GSE1: variants seen among roughly 807,000 people sequenced by gnomAD.
The protein encoded by GSE1 is Gse1 coiled-coil protein.
Under a neutral mutation model 112.6 loss-of-function variants are expected in GSE1, and 32 were observed. That is an observed-to-expected ratio of 0.28 (90% CI 0.21 to 0.38). The LOEUF (loss-of-function observed/expected upper bound fraction) is 0.38. Ranked by LOEUF, GSE1 falls within the 10% of genes least tolerant of loss-of-function variation. The probability of loss-of-function intolerance (pLI) is 1.00; values close to 1 mark genes in which losing one functional copy is unlikely to be tolerated. For missense variants in GSE1, 2,348 were observed against 1,699.2 expected (o/e 1.38, Z -6.71); for synonymous variants, 1,115 against 735.6 (o/e 1.52, Z -8.35).
intron 2 of GSE1, among the ~76,000 whole-genome samples, chr16:85,393,787 T>C (rs1273176306): frequency 6.6e-6 from 1 of 152,112 alleles, no homozygotes; most frequent in African/African-American, 2.4e-5. Flanking sequence ...CTCTATCTAT[T>C]CCCCCACTGC....
chr16:85,408,585 C>G (rs1183584709), intron 2 of GSE1, among the ~76,000 whole-genome samples: 1 of 18,348 alleles, frequency 5.5e-5, no homozygotes, highest in East Asian at 3.1e-3. Context: ...ACACTCAGGC[C>G]CCCCTGGAAA....
chr16:85,613,446 C>A lies in GSE1; in HGVS notation c.7+48C>A, dbSNP rs555346742. 1.5e-4 allele frequency: 229 copies of A among 1,496,878 alleles called. No homozygotes were observed. The African/African-American group carries it at 3.1e-3, about 20-fold the overall frequency. The allele number at this position is 1,496,878 out of a possible 1,614,324, so 92.7% of individuals were successfully genotyped here. ...GGGACGGGGTCCTCCCCCCTCCCCC[C>A]ACCGCACTGTCCTCCTGCAAGTTCG... On this transcript the variant is annotated intron_variant, in intron 1 of 15. Coordinates refer to ENST00000253458, the MANE Select transcript of GSE1 (RefSeq NM_014615.5).
intron 2 of GSE1, among the ~76,000 whole-genome samples, chr16:85,360,059 AT>A (rs1250234427): frequency 6.6e-6 from 1 of 152,128 alleles, no homozygotes; most frequent in African/African-American, 2.4e-5. Context: ...AATTAAAAAA[AT>A]GTTTTAAAAC....
rs1398442864 is a variant in GSE1, at chr16:85,407,866, C to G, written c.2464+50223C>G. 7.7e-5 allele frequency among the ~76,000 whole-genome samples: 2 copies of G among 26,132 alleles called. 1 individual carries two copies. Among genetic ancestry groups the G allele is most frequent in the African/African-American group, 4.8e-4 (2 of 4,154 alleles). 17.1% of individuals were successfully genotyped at this position (26,132 alleles called of 152,430 possible). A position where few individuals can be genotyped will look rare whatever the true frequency, so the allele number is the denominator to read the frequency against. The stretch of plus-strand genomic sequence containing the variant: ...GACAATCCTCACCGTTACACTCAGG[C>G]CCCCCGGATAATCCTCACCGTTACA... On this transcript the variant is annotated intron_variant, in intron 2 of 2. Transcript: ENST00000637419.
At chr16:85,565,869 C>T (rs2045725918) in intron 1 of GSE1, among the ~76,000 whole-genome samples, 1 of 152,166 alleles carries the variant, frequency 6.6e-6, no homozygotes, top group South Asian at 2.1e-4. Context: ...GAGGGTTCCC[C>T]GGGTGTCCTT....
At chr16:85,590,601 G>A (rs2046961866) in intron 1 of GSE1, among the ~76,000 whole-genome samples, 1 of 152,106 alleles carries the variant, frequency 6.6e-6, no homozygotes, top group African/African-American at 2.4e-5. Flanking sequence ...GATTGAGCAT[G>A]TGTGACATTG....
At chr16:85,349,606 T>A (rs868042947) in intron 1 of GSE1, among the ~76,000 whole-genome samples, 1 of 152,020 alleles carries the variant, frequency 6.6e-6, no homozygotes, top group African/African-American at 2.4e-5. Flanking sequence ...CCCTAGCCAA[T>A]GCACACACCC....
intron 2 of GSE1, among the ~76,000 whole-genome samples, chr16:85,542,510 C>G (rs879506530): frequency 3.0e-4 from 46 of 152,226 alleles, no homozygotes; most frequent in Non-Finnish European, 5.4e-4. Context: ...TCGCTCTGCC[C>G]AGGCGCAGCA....
intron 2 of GSE1, among the ~76,000 whole-genome samples, chr16:85,435,043 G>A (rs1477181797): frequency 6.6e-6 from 1 of 152,244 alleles, no homozygotes; most frequent in Non-Finnish European, 1.5e-5. Flanking sequence ...CCCTGGTGTT[G>A]CCATCTTGAT....
chr16:85,652,009 G>A (rs2051399602), intron 3 of GSE1, among the ~76,000 whole-genome samples: 1 of 152,210 alleles, frequency 6.6e-6, no homozygotes, highest in South Asian at 2.1e-4. Flanking sequence ...GGGGCGTGAG[G>A]CAGGATCTAG....
chr16:85,626,820 GC>G (rs2049109054), intron 1 of GSE1, among the ~76,000 whole-genome samples: 1 of 152,098 alleles, frequency 6.6e-6, no homozygotes, highest in South Asian at 2.1e-4. Flanking sequence ...AGCCCCTCCA[GC>G]CTCGTGGGGA....
At chr16:85,177,749 G>A (rs1461888192) in intron 1 of GSE1, among the ~76,000 whole-genome samples, 1 of 152,180 alleles carries the variant, frequency 6.6e-6, no homozygotes, top group African/African-American at 2.4e-5. Flanking sequence ...TTTAAATTTA[G>A]TATATGATGC....
At chr16:85,482,652 C>T (rs866779557) in intron 2 of GSE1, among the ~76,000 whole-genome samples, 1 of 152,296 alleles carries the variant, frequency 6.6e-6, no homozygotes, top group Non-Finnish European at 1.5e-5. Flanking sequence ...CAGGCACCCC[C>T]GTCTGCAAAT....
At chr16:85,599,316 G>A (rs2047365659) in intron 1 of GSE1, among the ~76,000 whole-genome samples, 1 of 152,224 alleles carries the variant, frequency 6.6e-6, no homozygotes, top group Admixed American at 6.5e-5. Context: ...GTCAGATGAC[G>A]AGGTGAGCTG....
intron 1 of GSE1, among the ~76,000 whole-genome samples, chr16:85,194,136 C>T (rs1442758850): frequency 1.3e-5 from 2 of 152,200 alleles, no homozygotes; most frequent in Non-Finnish European, 2.9e-5. Context: ...TGACTCCACG[C>T]CCCTGAATCC....
chr16:85,523,778 C>T (rs536715390), intron 2 of GSE1, among the ~76,000 whole-genome samples: 3 of 152,360 alleles, frequency 2.0e-5, no homozygotes, highest in South Asian at 2.1e-4. Flanking sequence ...CTAGGTGTCA[C>T]GTTTTCCCCA....
At chr16:85,331,696 T>C (rs2046372632) in intron 1 of GSE1, among the ~76,000 whole-genome samples, 1 of 91,768 alleles carries the variant, frequency 1.1e-5, no homozygotes, top group Admixed American at 1.4e-4. Flanking sequence ...TATATATATA[T>C]ATATATATAT....
At position 85,621,660 on chromosome 16, in the gene GSE1, C is replaced by G. The variant is rs186344351; in HGVS notation, c.7+8262C>G. On this transcript the variant is annotated intron_variant, in intron 1 of 15. Transcript: ENST00000253458. ...ATCCTGCGGAGTGACTCTGAATCCA[C>G]TAACAGCAGGACTGTGTCTGCTTGG... 1.8e-3 allele frequency among the ~76,000 whole-genome samples: 267 copies of G among 152,316 alleles called. 2 individuals carry two copies. Among genetic ancestry groups the G allele is most frequent in the African/African-American group, 6.3e-3 (263 of 41,562 alleles).
chr16:85,302,056 C>T (rs749714391), intron 1 of GSE1, among the ~76,000 whole-genome samples: 1 of 152,222 alleles, frequency 6.6e-6, no homozygotes, highest in Non-Finnish European at 1.5e-5. Flanking sequence ...GGCTGAGCTG[C>T]AGGGCAGCCC....
Sources: allele counts gnomAD v4.1 joint callset (sites outside exome capture counted in the v4.1 genomes callset), GRCh38; gene constraint gnomAD v4.1.1; transcripts MANE v1.5; gene names NCBI Gene and HGNC (gene_info 2026-07-23, HGNC 2026-07-21).